SIAH1: variants seen among roughly 807,000 people sequenced by gnomAD.
The protein encoded by SIAH1 is E3 ubiquitin-protein ligase SIAH1.
Under a neutral mutation model 20.0 loss-of-function variants are expected in SIAH1, and 2 were observed. The observed-to-expected ratio is 0.10, with a 90% CI of 0.04 to 0.31. SIAH1 has a LOEUF of 0.31. Among genes scored for constraint, SIAH1 ranks in the 10% least tolerant of loss-of-function variants. The pLI, the probability that SIAH1 is intolerant of heterozygous loss-of-function variation, is 1.00. For synonymous variants in SIAH1, 118 were observed against 125.3 expected (o/e 0.94, Z 0.39); for missense variants, 119 against 355.3 (o/e 0.33, Z 5.35).
chr16:48,370,067 A>C (rs1012094047), intron 1 of SIAH1, among the ~76,000 whole-genome samples: 1 of 152,232 alleles, frequency 6.6e-6, no homozygotes, highest in Non-Finnish European at 1.5e-5. Flanking sequence ...TCAATGATGT[A>C]AGTGAAAGAA....
In SIAH1 at chr16:48,361,286, AACAAAC is replaced by A. The variant is rs1378050291; in HGVS notation, c.*288_*293del. The A allele has an allele frequency of 3.1e-6, 1 of 325,302 alleles. No individual in the cohort carries two copies. Among genetic ancestry groups the A allele is most frequent in the African/African-American group, 2.1e-5 (1 of 46,678 alleles). The allele number at this position is 325,302 out of a possible 1,614,324, so 20.2% of individuals were successfully genotyped here. A position where few individuals can be genotyped will look rare whatever the true frequency, so the allele number is the denominator to read the frequency against. On this transcript the variant is annotated 3_prime_UTR_variant, in exon 2 of 2. Transcript: ENST00000394725. ...TTTTTCAACAATACAATCAATCTAC[AACAAAC>A]ACAAAACTCAGAATTATTTTACAAT...
chr16:48,376,807 T>G (rs1961121143), intron 1 of SIAH1, among the ~76,000 whole-genome samples: 1 of 152,090 alleles, frequency 6.6e-6, no homozygotes, highest in Non-Finnish European at 1.5e-5. Context: ...TCAGGGCCCT[T>G]GACAAGTTTT....
intron 1 of SIAH1, among the ~76,000 whole-genome samples, chr16:48,380,889 A>C (rs1439186163): frequency 8.2e-6 from 1 of 122,584 alleles, no homozygotes; most frequent in Non-Finnish European, 1.6e-5. Flanking sequence ...AGATCACGCC[A>C]TTGCACTCCA....
At chr16:48,365,652 C>G in intron 1 of SIAH1, 1 of 1,432,104 alleles carries the variant, frequency 7.0e-7, no homozygotes, top group Non-Finnish European at 9.1e-7. Context: ...GCCTTTCCAT[C>G]CCCAGGAGGC....
rs145533701 is a variant in SIAH1, at chr16:48,382,105, A to C, written c.-3+3099T>G. On this transcript the variant is annotated intron_variant, in intron 1 of 1. Coordinates refer to ENST00000394725, the MANE Select transcript of SIAH1 (RefSeq NM_003031.4). ...GGCAAAAAGATTGGAGGCCAGGCAC[A>C]GCAGCTCACACCTGTAATCTCAGCA... Among the ~76,000 whole-genome samples the C allele has an allele frequency of 2.4e-3, 368 of 152,344 alleles. 1 individual carries two copies. The highest frequency in any genetic ancestry group is 0.021 in the East Asian group (107 of 5,192).
intron 1 of SIAH1, among the ~76,000 whole-genome samples, chr16:48,380,463 CA>C (rs111931690): frequency 8.4e-5 from 12 of 142,666 alleles, no homozygotes; most frequent in East Asian, 2.0e-4. Flanking sequence ...AAAAAACAAA[CA>C]AAAAAAAAAC....
At chr16:48,384,915 C>T (rs1961405387) in intron 1 of SIAH1, among the ~76,000 whole-genome samples, 1 of 145,436 alleles carries the variant, frequency 6.9e-6, no homozygotes, top group South Asian at 2.1e-4. Context: ...GCCCTTCCCC[C>T]GCCCTCGGCC....
Position 48,362,524 on chromosome 16 carries a change from T to C in SIAH1, c.-2-94A>G. The C allele has an allele frequency of 7.7e-7, 1 of 1,304,944 alleles. No individual in the cohort carries two copies. The highest frequency in any genetic ancestry group is 1.1e-6 in the Non-Finnish European group (1 of 942,282). The allele number at this position is 1,304,944 out of a possible 1,614,324, so 80.8% of individuals were successfully genotyped here. A position where few individuals can be genotyped will look rare whatever the true frequency, so the allele number is the denominator to read the frequency against. The stretch of plus-strand genomic sequence containing the variant: ...TACATGCCATAAGTCCTTTTAAAGT[T>C]TCATACAAAATTTACTGAGCAAAAG... On this transcript the variant is annotated intron_variant, in intron 1 of 1. Transcript: ENST00000394725. The surrounding 1 kb of genome is among the most constrained non-coding windows in gnomAD (Gnocchi z 4.2).
intron 1 of SIAH1, among the ~76,000 whole-genome samples, chr16:48,380,500 C>G (rs2151054628): frequency 6.6e-6 from 1 of 151,874 alleles, no homozygotes; most frequent in East Asian, 1.9e-4. Flanking sequence ...ACAAAACAAC[C>G]CAACCTAAAA....
At chr16:48,380,585 C>G (rs971309788) in intron 1 of SIAH1, among the ~76,000 whole-genome samples, 1 of 152,044 alleles carries the variant, frequency 6.6e-6, no homozygotes, top group Non-Finnish European at 1.5e-5. Flanking sequence ...TGAAATGATG[C>G]TCCACATCAC....
chr16:48,363,224 T>C (rs1252416566), intron 1 of SIAH1: 1 of 166,970 alleles, frequency 6.0e-6, no homozygotes, highest in Non-Finnish European at 1.5e-5. Flanking sequence ...TTCTTAATGG[T>C]AAGCAATTAT....
At position 48,360,626 on chromosome 16, in the gene SIAH1, A is replaced by G. The variant is rs73562050; in HGVS notation, c.*954T>C. On this transcript the variant is annotated 3_prime_UTR_variant, in exon 2 of 2. Transcript: ENST00000394725. ...TTTTTAAACAAATGATTTGCTTTTA[A>G]TTACAAATACTGTGCATGACGATGC... 2.1e-4 allele frequency: 32 copies of G among 152,804 alleles called. No homozygotes were observed. The highest frequency in any genetic ancestry group is 7.0e-4 in the African/African-American group (29 of 41,598). The allele number at this position is 152,804 out of a possible 1,614,324, so 9.5% of individuals were successfully genotyped here. A position where few individuals can be genotyped will look rare whatever the true frequency, so the allele number is the denominator to read the frequency against.
intron 1 of SIAH1, among the ~76,000 whole-genome samples, chr16:48,370,799 C>G (rs372196386): frequency 4.4e-4 from 61 of 139,192 alleles, no homozygotes; most frequent in African/African-American, 1.6e-3. Context: ...GAGCAAGACT[C>G]CATCTCAAAA....
chr16:48,374,560 A>G (rs1313555442), intron 1 of SIAH1, among the ~76,000 whole-genome samples: 2 of 152,200 alleles, frequency 1.3e-5, no homozygotes, highest in Non-Finnish European at 2.9e-5. Flanking sequence ...TACAATAAAC[A>G]GAAGACTGCA....
intron 1 of SIAH1, among the ~76,000 whole-genome samples, chr16:48,378,876 G>A (rs940042257): frequency 1.3e-5 from 2 of 152,036 alleles, no homozygotes; most frequent in African/African-American, 4.8e-5. Context: ...CCCTTCAAAG[G>A]GCGAGCTCCT....
chr16:48,380,928 C>CAAAAAAAAAAAAAAAAA (rs59376248), intron 1 of SIAH1, among the ~76,000 whole-genome samples: 475 of 44,850 alleles, frequency 0.011, 130 homozygotes, highest in Non-Finnish European at 0.012. Context: ...GACTCCGTCT[C>CAAAAAAAAAAAAAAAAA]AAAAAAAAAA....
intron 1 of SIAH1, chr16:48,364,019 G>C (rs1023500874): frequency 7.4e-6 from 1 of 134,790 alleles, no homozygotes. Context: ...GCGCGATCTC[G>C]GCTCACTGCA....
chr16:48,385,456 G>GCGGCCATGAGGAGGCGCGGCCC (rs1961434328), upstream of SIAH1: 3 of 150,066 alleles, frequency 2.0e-5, no homozygotes, highest in South Asian at 6.2e-4. Flanking sequence ...CACTGCGGCG[G>GCGGCCATGAGGAGGCGCGGCCC]CGGCCATGAG....
intron 1 of SIAH1, among the ~76,000 whole-genome samples, chr16:48,384,902 G>A (rs1473122149): frequency 1.4e-5 from 2 of 145,140 alleles, no homozygotes; most frequent in African/African-American, 2.5e-5. Context: ...GGCCGCCGCC[G>A]AGGCCCTTCC....
Sources: allele counts gnomAD v4.1 joint callset (sites outside exome capture counted in the v4.1 genomes callset), GRCh38; gene constraint gnomAD v4.1.1; non-coding constraint Gnocchi (gnomAD v3.1); transcripts MANE v1.5; gene names NCBI Gene and HGNC (gene_info 2026-07-23, HGNC 2026-07-21).